The following ZNF79 variants were observed in gnomAD, a reference collection of about 807,000 sequenced individuals.
ZNF79 encodes the protein zinc finger protein 79.
ZNF79 carries 13 observed loss-of-function variants against 14.9 expected under a neutral mutation model. The observed-to-expected ratio is 0.87, with a 90% CI of 0.57 to 1.38. The LOEUF (loss-of-function observed/expected upper bound fraction) is 1.38, where lower values mean the gene tolerates loss of function less well. Ranked by LOEUF, ZNF79 falls within the 40% of genes most tolerant of loss-of-function variation. The probability of loss-of-function intolerance (pLI) is 0.00; values close to 1 mark genes in which losing one functional copy is unlikely to be tolerated. For synonymous variants in ZNF79, 223 were observed against 235.1 expected, an observed-to-expected ratio of 0.95 and a Z score of 0.47; for missense variants, 631 against 630.6, an observed-to-expected ratio of 1.00 and a Z score of -0.01.
At position 127,428,831 on chromosome 9, in the gene ZNF79, G is replaced by C; in HGVS notation, c.17-1G>C. 1 of 1,591,566 alleles carries C rather than the reference G, an allele frequency of 6.3e-7. No homozygotes were observed. Among genetic ancestry groups the C allele is most frequent in the Non-Finnish European group, 8.5e-7 (1 of 1,170,126 alleles). On this transcript the variant is annotated splice_acceptor_variant, in intron 1 of 4. Transcript: ENST00000342483. LOFTEE classifies it high-confidence loss of function. Reference sequence around the variant, plus strand: ...TTATTAGTTTTTTTCTCTTTCTCTAGTACTGCCTTCCCCAGGCCCTGCCCT... The same window carrying C: ...TTATTAGTTTTTTTCTCTTTCTCTACTACTGCCTTCCCCAGGCCCTGCCCT...
At chr9:127,435,035 C>T (rs112863857) in intron 2 of ZNF79, 55 bp from the exon 3 acceptor site, 2 of 1,540,320 alleles carry the variant, frequency 1.3e-6, no homozygotes, top group African/African-American at 1.4e-5. Context: ...TTAACCACCC[C>T]TATCACCCTA....
intron 4 of ZNF79, among the ~76,000 whole-genome samples, chr9:127,442,947 C>T (rs1038807703): frequency 1.3e-5 from 2 of 152,064 alleles, no homozygotes; most frequent in African/African-American, 4.8e-5. Context: ...TTAGCCTAGA[C>T]CTAACAGGAT....
At position 127,445,142 on chromosome 9, in the gene ZNF79, C is replaced by G. The variant is rs1342032663; in HGVS notation, c.1442C>G (p.Ala481Gly). ...KPYECSECGK[A>G]FRCSSAFVRH... ...TACGAATGCAGCGAGTGTGGGAAGG[C>G]CTTCCGGTGCAGCTCTGCCTTCGTT... The change falls in exon 5 of 5, where the codon GCC (alanine) becomes GGC (glycine). Residue 481 changes from alanine (A) to glycine (G), a missense_variant. Coordinates refer to ENST00000342483, the MANE Select transcript of ZNF79 (RefSeq NM_007135.3). 1 of 1,614,102 alleles carries G rather than the reference C, an allele frequency of 6.2e-7. No individual in the cohort carries two copies. Among genetic ancestry groups the G allele is most frequent in the Non-Finnish European group, 8.5e-7 (1 of 1,180,050 alleles).
In ZNF79 at chr9:127,437,089, C is replaced by G. The variant is rs562437469; in HGVS notation, c.328+1086C>G. 4.8e-3 allele frequency among the ~76,000 whole-genome samples: 711 copies of G among 148,366 alleles called. 5 individuals carry two copies. The highest frequency in any genetic ancestry group is 0.016 in the South Asian group (73 of 4,676). On this transcript the variant is annotated intron_variant, in intron 4 of 4. Transcript: ENST00000342483. ...AAAAAAAAAAAAAAAAAAGAAGATG[C>G]AACCTGTCTGTTTGTTGCTTTATTT...
intron 2 of ZNF79, among the ~76,000 whole-genome samples, chr9:127,433,985 C>T (rs954600460): frequency 5.9e-5 from 9 of 152,194 alleles, no homozygotes; most frequent in Non-Finnish European, 1.3e-4. Context: ...TGCCTTCCAG[C>T]GGCTCCCTGT....
At chr9:127,438,870 G>C (rs1255655017) in intron 4 of ZNF79, among the ~76,000 whole-genome samples, 1 of 152,188 alleles carries the variant, frequency 6.6e-6, no homozygotes. Context: ...TAGCACTTTG[G>C]GAGGCCGAGT....
Position 127,435,199 on chromosome 9 carries a change from G to C in ZNF79, c.215G>C (p.Arg72Thr). 6.2e-7 allele frequency: 1 copy of C among 1,606,022 alleles called. No individual in the cohort carries two copies. Among genetic ancestry groups the C allele is most frequent in the Non-Finnish European group, 8.5e-7 (1 of 1,177,110 alleles). Reference sequence around the variant, plus strand: ...AAGGAGGGGATACCAGGAAAGTCCAGGAGCCTTGTCCTACTAGGTAAGGAA... The same window carrying C: ...AAGGAGGGGATACCAGGAAAGTCCACGAGCCTTGTCCTACTAGGTAAGGAA... Reference protein sequence around the residue: ...RFKEGIPGKSRSLVLLGLPVS... With the variant: ...RFKEGIPGKSTSLVLLGLPVS... Residue 72 changes from arginine to threonine, a missense_variant, in exon 3 of 5, where the codon AGG becomes ACG. Coordinates refer to ENST00000342483, the MANE Select transcript of ZNF79 (RefSeq NM_007135.3).
intron 4 of ZNF79, among the ~76,000 whole-genome samples, chr9:127,441,761 C>T (rs545998877): frequency 9.2e-5 from 14 of 151,932 alleles, no homozygotes; most frequent in African/African-American, 2.9e-4. Flanking sequence ...CTGGCTAACA[C>T]GGTAAAACCC....
At chr9:127,441,460 G>GTC (rs1343812670) in intron 4 of ZNF79, among the ~76,000 whole-genome samples, 1 of 152,164 alleles carries the variant, frequency 6.6e-6, no homozygotes, top group Non-Finnish European at 1.5e-5. Flanking sequence ...CACAGAGCAC[G>GTC]TAAGAGGTGG....
chr9:127,432,220 T>A (rs894683561), intron 2 of ZNF79, among the ~76,000 whole-genome samples: 3 of 151,134 alleles, frequency 2.0e-5, no homozygotes, highest in African/African-American at 7.3e-5. Flanking sequence ...CGATGTCGGC[T>A]CACTGCAAGC....
At chr9:127,428,781 G>C (rs374740184) in intron 1 of ZNF79, 51 bp from the exon 2 acceptor site, 10 of 1,448,882 alleles carry the variant, frequency 6.9e-6, no homozygotes, top group Non-Finnish European at 9.2e-6. Context: ...GTGAGAACTG[G>C]TGACTTCATA....
At chr9:127,427,273 G>T (rs1402102096) in intron 1 of ZNF79, among the ~76,000 whole-genome samples, 1 of 143,302 alleles carries the variant, frequency 7.0e-6, no homozygotes, top group Non-Finnish European at 1.5e-5. Flanking sequence ...AAAAAAAAAA[G>T]TTAGCCGGGC....
At chr9:127,441,638 C>G (rs1174943337) in intron 4 of ZNF79, among the ~76,000 whole-genome samples, 1 of 149,986 alleles carries the variant, frequency 6.7e-6, no homozygotes, top group Non-Finnish European at 1.5e-5. Context: ...ATGTTGAAAC[C>G]CCATCTCTAC....
At chr9:127,434,492 T>C (rs1170641298) in intron 2 of ZNF79, among the ~76,000 whole-genome samples, 3 of 152,220 alleles carry the variant, frequency 2.0e-5, no homozygotes, top group African/African-American at 7.2e-5. Context: ...CAAGCACCCA[T>C]TAATTTTTGC....
intron 4 of ZNF79, among the ~76,000 whole-genome samples, chr9:127,437,500 C>T (rs1293914886): frequency 6.6e-6 from 1 of 151,798 alleles, no homozygotes; most frequent in Non-Finnish European, 1.5e-5. Context: ...GGGTTCAAGA[C>T]CCTGAAAAGG....
Position 127,428,833 on chromosome 9 carries a change from A to G in ZNF79, c.18A>G (p.Val6=), listed in dbSNP as rs1478031795. Residue 6 remains valine (V), a splice_region_variant and synonymous_variant, in exon 2 of 5, where the codon GTA becomes GTG. Transcript: ENST00000342483. MLEEG[V]LPSPGPALPQ... ...ATTAGTTTTTTTCTCTTTCTCTAGT[A>G]CTGCCTTCCCCAGGCCCTGCCCTTC... is the stretch of plus-strand genomic sequence containing the variant. 1.3e-6 allele frequency: 2 copies of G among 1,593,282 alleles called. No homozygotes were observed. The highest frequency in any genetic ancestry group is 2.3e-5 in the East Asian group (1 of 44,004).
At chr9:127,434,891 C>G (rs1018934855) in intron 2 of ZNF79, among the ~76,000 whole-genome samples, 199 bp from the exon 3 acceptor site, 1 of 152,152 alleles carries the variant, frequency 6.6e-6, no homozygotes. Context: ...TCAAGTGATC[C>G]GCCTGCCTCA....
chr9:127,426,629 A>G (rs991543103), intron 1 of ZNF79, among the ~76,000 whole-genome samples: 2 of 152,066 alleles, frequency 1.3e-5, no homozygotes, highest in African/African-American at 2.4e-5. Context: ...ACCTGCCAAT[A>G]TGTGACCTTT....
intron 2 of ZNF79, among the ~76,000 whole-genome samples, chr9:127,432,605 A>T (rs1389776264): frequency 6.8e-6 from 1 of 147,484 alleles, no homozygotes; most frequent in African/African-American, 2.5e-5. Context: ...TCTGTGCTTT[A>T]TGAGGATGGA....
Sources: gnomAD v4.1 joint callset for allele counts (sites outside exome capture counted in the v4.1 genomes callset) on GRCh38, gnomAD v4.1.1 for gene constraint, MANE v1.5 for transcripts, NCBI Gene and HGNC (gene_info 2026-07-23, HGNC 2026-07-21) for gene names.